Variants in RBM33 observed in about 807,000 individuals in gnomAD.
RBM33 encodes RNA-binding protein 33.
A neutral mutation model predicts 132.6 loss-of-function variants in RBM33; 28 were observed. That is an observed-to-expected ratio of 0.21 (90% CI 0.16 to 0.29). The LOEUF is 0.29. Ranked by LOEUF, RBM33 falls within the 10% of genes least tolerant of loss-of-function variation. RBM33 has a pLI of 1.00. For synonymous variants in RBM33, 634 were observed against 593.0 expected, an observed-to-expected ratio of 1.07 and a Z score of -1.01; for missense variants, 1,291 against 1,518.5, an observed-to-expected ratio of 0.85 and a Z score of 2.49.
intron 2 of RBM33, among the ~76,000 whole-genome samples, chr7:155,672,503 T>C (rs535002063): frequency 6.6e-6 from 1 of 152,290 alleles, no homozygotes; most frequent in South Asian, 2.1e-4. Context: ...ATGCCTGTAA[T>C]CCCAACACTT....
intron 1 of RBM33, among the ~76,000 whole-genome samples, chr7:155,655,579 C>T (rs913846040): frequency 8.6e-6 from 1 of 115,966 alleles, no homozygotes; most frequent in Non-Finnish European, 1.6e-5. Context: ...ACATTTGCAT[C>T]AATGTTGCAA....
chr7:155,702,632 G>A (rs1310501450), intron 6 of RBM33, among the ~76,000 whole-genome samples: 1 of 152,168 alleles, frequency 6.6e-6, no homozygotes, highest in Non-Finnish European at 1.5e-5. Flanking sequence ...GTCAGTCTTG[G>A]CTTGAGATGA....
intron 16 of RBM33, among the ~76,000 whole-genome samples, chr7:155,773,059 A>G (rs1013709533): frequency 3.9e-5 from 6 of 152,208 alleles, no homozygotes; most frequent in Non-Finnish European, 8.8e-5. Flanking sequence ...GCTCTTTGAC[A>G]TGCTTTAAAA....
chr7:155,764,911 T>C (rs1403915280), intron 15 of RBM33, among the ~76,000 whole-genome samples: 1 of 152,252 alleles, frequency 6.6e-6, no homozygotes, highest in Non-Finnish European at 1.5e-5. Context: ...CTTCATGATA[T>C]GAGAGCAAAC....
chr7:155,713,439 G>A (rs998685397), intron 8 of RBM33, among the ~76,000 whole-genome samples: 10 of 151,880 alleles, frequency 6.6e-5, no homozygotes, highest in African/African-American at 2.2e-4. Flanking sequence ...AGGAGAACCC[G>A]TCAGGGAGGC....
intron 3 of RBM33, among the ~76,000 whole-genome samples, chr7:155,675,502 C>CT (rs1257782534): frequency 1.3e-5 from 2 of 151,878 alleles, no homozygotes; most frequent in East Asian, 3.9e-4. Context: ...TTGCTTATGA[C>CT]TTTTTTTTAA....
intron 16 of RBM33, among the ~76,000 whole-genome samples, chr7:155,771,768 G>A (rs1319637121): frequency 1.3e-5 from 2 of 152,044 alleles, no homozygotes; most frequent in African/African-American, 2.4e-5. Context: ...GTCTCGCTCT[G>A]TCACCCAGGC....
chr7:155,763,295 G>A (rs878869277), intron 14 of RBM33, among the ~76,000 whole-genome samples: 5 of 152,198 alleles, frequency 3.3e-5, no homozygotes, highest in Non-Finnish European at 5.9e-5. Flanking sequence ...TGAAGTTCAC[G>A]TATCCACAGG....
rs147577468 is a variant in RBM33, at chr7:155,779,042, G to A, written c.*4001G>A. 1 of 152,446 alleles carries A rather than the reference G, an allele frequency of 6.6e-6. No homozygotes were observed. The highest frequency in any genetic ancestry group is 2.4e-5 in the African/African-American group (1 of 41,518). The allele number at this position is 152,446 out of a possible 1,614,324, so 9.4% of individuals were successfully genotyped here. A position where few individuals can be genotyped will look rare whatever the true frequency, so the allele number is the denominator to read the frequency against. On this transcript the variant is annotated 3_prime_UTR_variant, in exon 18 of 18. Coordinates refer to ENST00000401878, the MANE Select transcript of RBM33 (RefSeq NM_053043.3). Reference sequence around the variant, plus strand: ...TGGTGCGGTGTCTGCAGTGCCCTTTGTGGGTGACTTCAGGCTTCCCGCTTT... The same window carrying A: ...TGGTGCGGTGTCTGCAGTGCCCTTTATGGGTGACTTCAGGCTTCCCGCTTT...
intron 6 of RBM33, among the ~76,000 whole-genome samples, chr7:155,702,568 C>T (rs1354638223): frequency 6.6e-6 from 1 of 152,306 alleles, no homozygotes; most frequent in Non-Finnish European, 1.5e-5. Context: ...AAACAAAATA[C>T]ATCAACAGGA....
At chr7:155,710,810 G>A (rs893472799) in intron 7 of RBM33, among the ~76,000 whole-genome samples, 1 of 152,134 alleles carries the variant, frequency 6.6e-6, no homozygotes, top group Non-Finnish European at 1.5e-5. Context: ...GTTCCTGGAG[G>A]GGGATGCAAG....
At chr7:155,673,747 TGTATATACGC>T (rs1327787576) in intron 3 of RBM33, among the ~76,000 whole-genome samples, 2 of 98,502 alleles carry the variant, frequency 2.0e-5, no homozygotes, top group African/African-American at 7.4e-5. Context: ...CATACACACG[TGTATATACGC>T]GCGCATGCGC....
chr7:155,682,043 C>T (rs931209410), intron 5 of RBM33, among the ~76,000 whole-genome samples: 8 of 151,988 alleles, frequency 5.3e-5, no homozygotes, highest in African/African-American at 1.7e-4. Flanking sequence ...GCCTCAGCCT[C>T]CTGAGTAGCT....
chr7:155,735,462 T>G (rs57674047), intron 9 of RBM33, among the ~76,000 whole-genome samples: 1 of 152,198 alleles, frequency 6.6e-6, no homozygotes, highest in Admixed American at 6.5e-5. Flanking sequence ...CCAAGTACTT[T>G]AGGAGGCTGA....
intron 2 of RBM33, among the ~76,000 whole-genome samples, 192 bp downstream of exon 2, chr7:155,665,445 G>C (rs1196535066): frequency 6.6e-6 from 1 of 152,202 alleles, no homozygotes; most frequent in Non-Finnish European, 1.5e-5. Flanking sequence ...TTCCAGGCCT[G>C]TGTTGTGTGG....
chr7:155,749,437 G>A lies in RBM33; in HGVS notation c.2979+3835G>A, dbSNP rs78063055. The stretch of plus-strand genomic sequence containing the variant: ...TGGTAAAGCTGGGCTTCCACCTGTG[G>A]GTTAGTGCTGAATCTTACGCTCTTC... On this transcript the variant is annotated intron_variant, in intron 14 of 17. Transcript: ENST00000401878. Among the ~76,000 whole-genome samples, 654 of 152,284 alleles carry A rather than the reference G, an allele frequency of 4.3e-3. 6 individuals are homozygous for A. Among genetic ancestry groups the A allele is most frequent in the African/African-American group, 0.015 (621 of 41,556 alleles).
At position 155,717,627 on chromosome 7, in the gene RBM33, T is replaced by C. The variant is rs145541395; in HGVS notation, c.1202-758T>C. On this transcript the variant is annotated intron_variant, in intron 8 of 17. Transcript: ENST00000401878. ...GTGTATCTGCCAGCACATTTTGCTGTAAGACGTAGCTGCACTTAGATTGTG... is the reference window on the plus strand; with the variant it reads ...GTGTATCTGCCAGCACATTTTGCTGCAAGACGTAGCTGCACTTAGATTGTG... 4.1e-3 allele frequency among the ~76,000 whole-genome samples: 625 copies of C among 152,240 alleles called. 7 individuals are homozygous for C. The highest frequency in any genetic ancestry group is 0.014 in the African/African-American group (592 of 41,516).
chr7:155,766,768 A>G (rs1245433157), intron 16 of RBM33, 113 bp downstream of exon 16: 2 of 1,018,638 alleles, frequency 2.0e-6, no homozygotes, highest in Non-Finnish European at 2.9e-6. Flanking sequence ...TTAAAATAAT[A>G]CTTGGGAAGT....
intron 8 of RBM33, among the ~76,000 whole-genome samples, chr7:155,716,021 A>G (rs1800450020): frequency 1.3e-5 from 2 of 151,406 alleles, no homozygotes; most frequent in Non-Finnish European, 2.9e-5. Context: ...TTAGTATTAT[A>G]ATTATAATGA....
Sources: allele counts gnomAD v4.1 joint callset (sites outside exome capture counted in the v4.1 genomes callset), GRCh38; gene constraint gnomAD v4.1.1; transcripts MANE v1.5; gene names NCBI Gene and HGNC (gene_info 2026-07-23, HGNC 2026-07-21).